Variants in NUBPL observed in about 807,000 individuals in gnomAD.
The protein encoded by NUBPL is NUBP iron-sulfur cluster assembly factor, mitochondrial.
Under a neutral mutation model 45.7 loss-of-function variants are expected in NUBPL, and 31 were observed. The ratio of observed to expected loss-of-function variants is 0.68; its 90% CI spans 0.51 to 0.92. NUBPL has a LOEUF of 0.92. Ranked by LOEUF, NUBPL falls within the 40% of genes least tolerant of loss-of-function variation. The probability of loss-of-function intolerance (pLI) is 0.00; values close to 1 mark genes in which losing one functional copy is unlikely to be tolerated. For synonymous variants in NUBPL, 144 were observed against 140.9 expected (o/e 1.02, Z -0.15); for missense variants, 401 against 398.7 (o/e 1.01, Z -0.05).
rs776758619 is a variant in NUBPL at position 31,599,321 on chromosome 14, G to A, written c.324G>A (p.Val108=). Residue 108 remains valine (V), a synonymous_variant, in exon 4 of 11, where the codon GTG becomes GTA. Transcript: ENST00000281081. The stretch of plus-strand genomic sequence containing the variant: ...CCATTGGTTTGCTAGATGTGGATGT[G>A]TATGGACCTTCAGTTCCAAAGATGA... ...SKAIGLLDVD[V]YGPSVPKMMN... 5.6e-6 allele frequency: 9 copies of A among 1,612,950 alleles called. No individual in the cohort carries two copies. The East Asian group carries it at 2.0e-4, about 36-fold the overall frequency.
intron 4 of NUBPL, among the ~76,000 whole-genome samples, chr14:31,667,464 A>G (rs1214405339): frequency 6.6e-6 from 1 of 151,836 alleles, no homozygotes; most frequent in African/African-American, 2.4e-5. Flanking sequence ...CCTTTTATCA[A>G]GGTTCTTAGC....
intron 4 of NUBPL, among the ~76,000 whole-genome samples, chr14:31,606,214 C>A (rs936811324): frequency 2.6e-5 from 4 of 151,628 alleles, no homozygotes; most frequent in African/African-American, 9.7e-5. Context: ...CCTCCTCAGC[C>A]TCCCAAGTAG....
intron 6 of NUBPL, among the ~76,000 whole-genome samples, chr14:31,771,425 A>G (rs2039007792): frequency 6.6e-6 from 1 of 152,182 alleles, no homozygotes; most frequent in Non-Finnish European, 1.5e-5. Flanking sequence ...TATTTTATAT[A>G]TCTATTTTAT....
chr14:31,791,328 A>G (rs1338754288), intron 7 of NUBPL, among the ~76,000 whole-genome samples: 1 of 152,212 alleles, frequency 6.6e-6, no homozygotes, highest in Non-Finnish European at 1.5e-5. Flanking sequence ...AATTTATTTT[A>G]TGATTTATTA....
At chr14:31,765,187 C>G (rs895623935) in intron 6 of NUBPL, among the ~76,000 whole-genome samples, 1 of 152,084 alleles carries the variant, frequency 6.6e-6, no homozygotes, top group Admixed American at 6.6e-5. Context: ...CATTTTTAGT[C>G]CTTTGTTATT....
At chr14:31,800,182 C>T (rs1023128146) in intron 7 of NUBPL, among the ~76,000 whole-genome samples, 2 of 152,102 alleles carry the variant, frequency 1.3e-5, no homozygotes, top group Admixed American at 6.5e-5. Context: ...TTGCTGTTTC[C>T]ACCACATCTG....
At chr14:31,717,752 G>A (rs2037720954) in intron 6 of NUBPL, among the ~76,000 whole-genome samples, 1 of 150,556 alleles carries the variant, frequency 6.6e-6, no homozygotes, top group African/African-American at 2.4e-5. Flanking sequence ...TCGATTTTGT[G>A]TCAGAAGTCA....
intron 6 of NUBPL, among the ~76,000 whole-genome samples, chr14:31,683,347 ACAAT>A (rs1451322815): frequency 4.1e-5 from 6 of 147,422 alleles, no homozygotes; most frequent in African/African-American, 1.2e-4. Context: ...AGTTAATAAA[ACAAT>A]CTTTTTTTTT....
At chr14:31,698,083 G>T (rs8014386) in intron 6 of NUBPL, among the ~76,000 whole-genome samples, 55,721 of 151,928 alleles carry the variant, frequency 0.37, 12,568 homozygotes, top group East Asian at 0.6. Flanking sequence ...GTATTTCATT[G>T]ACTTTAAGTT....
intron 3 of NUBPL, among the ~76,000 whole-genome samples, chr14:31,593,589 A>G (rs937853972): frequency 1.3e-5 from 2 of 151,688 alleles, no homozygotes; most frequent in Admixed American, 6.6e-5. Flanking sequence ...AATGCCCTGC[A>G]GATACCTAGA....
chr14:31,585,338 T>A (rs992722941), intron 3 of NUBPL, among the ~76,000 whole-genome samples: 2 of 152,218 alleles, frequency 1.3e-5, no homozygotes, highest in African/African-American at 2.4e-5. Context: ...AGCTCTGAAG[T>A]TGCGGGATGG....
At chr14:31,616,264 T>C (rs899752635) in intron 4 of NUBPL, among the ~76,000 whole-genome samples, 2 of 152,234 alleles carry the variant, frequency 1.3e-5, no homozygotes, top group Non-Finnish European at 2.9e-5. Context: ...TAGCTTCTTT[T>C]GCTGTGCAGA....
intron 4 of NUBPL, 76 bp from the exon 5 acceptor site, chr14:31,673,278 TG>T (rs1424516955): frequency 7.8e-7 from 1 of 1,289,594 alleles, no homozygotes; most frequent in Non-Finnish European, 1.1e-6. Context: ...TTTAAAAAGA[TG>T]AAAAAAAAAC....
intron 3 of NUBPL, among the ~76,000 whole-genome samples, chr14:31,568,415 A>G (rs1018899597): frequency 2.0e-5 from 3 of 152,218 alleles, no homozygotes; most frequent in Non-Finnish European, 4.4e-5. Flanking sequence ...GGCTGAACCA[A>G]ATCTGACTGA....
chr14:31,846,553 C>T lies in NUBPL; in HGVS notation c.776C>T (p.Ala259Val). The T allele has an allele frequency of 6.2e-7, 1 of 1,613,500 alleles. No homozygotes were observed. Among genetic ancestry groups the T allele is most frequent in the Middle Eastern group, 1.6e-4 (1 of 6,062 alleles). ...HKTHIFGADGARKLAQTLGLE... is the reference protein window; with the variant it reads ...HKTHIFGADGVRKLAQTLGLE... ...ACTCATATTTTTGGTGCTGATGGTG[C>T]AAGGAAACTAGCACAGACCCTTGGT... The change falls in exon 9 of 11, where the codon GCA (alanine) becomes GTA (valine). Residue 259 changes from alanine to valine, a missense_variant. Coordinates refer to ENST00000281081, the MANE Select transcript of NUBPL (RefSeq NM_025152.3).
At chr14:31,572,382 G>A (rs552977440) in intron 3 of NUBPL, among the ~76,000 whole-genome samples, 2 of 152,078 alleles carry the variant, frequency 1.3e-5, no homozygotes, top group African/African-American at 2.4e-5. Flanking sequence ...CTCATGATCC[G>A]CCTGCTTCGG....
chr14:31,779,897 G>C lies in NUBPL; in HGVS notation c.514-7883G>C, dbSNP rs748400953. Among the ~76,000 whole-genome samples, 135 of 152,150 alleles carry C rather than the reference G, an allele frequency of 8.9e-4. 3 individuals carry two copies. Among genetic ancestry groups the C allele is most frequent in the Non-Finnish European group, 1.7e-3 (115 of 68,028 alleles). On this transcript the variant is annotated intron_variant, in intron 6 of 10. Transcript: ENST00000281081. ...TTTTGGAGTTTACTTACAGTCTTAAGGTTCTTGGGCCTGCCAGGAAGTGAC... is the reference window on the plus strand; with the variant it reads ...TTTTGGAGTTTACTTACAGTCTTAACGTTCTTGGGCCTGCCAGGAAGTGAC...
chr14:31,738,718 A>G (rs1279313384), intron 6 of NUBPL, among the ~76,000 whole-genome samples: 2 of 152,200 alleles, frequency 1.3e-5, no homozygotes, highest in Non-Finnish European at 2.9e-5. Flanking sequence ...AATTTCCCAT[A>G]TGAAAAACTG....
At chr14:31,852,808 C>G (rs2040558056) in intron 10 of NUBPL, among the ~76,000 whole-genome samples, 1 of 152,162 alleles carries the variant, frequency 6.6e-6, no homozygotes, top group African/African-American at 2.4e-5. Context: ...TCCAGTTAGT[C>G]TTGTGATGAA....
Sources: gnomAD v4.1 joint callset for allele counts (sites outside exome capture counted in the v4.1 genomes callset) on GRCh38, gnomAD v4.1.1 for gene constraint, MANE v1.5 for transcripts, NCBI Gene and HGNC (gene_info 2026-07-23, HGNC 2026-07-21) for gene names.